The following PFKP variants were observed in gnomAD, a reference collection of about 807,000 sequenced individuals.
PFKP encodes the protein phosphofructokinase, platelet.
A neutral mutation model predicts 94.3 loss-of-function variants in PFKP; 101 were observed. The observed-to-expected ratio is 1.07, with a 90% confidence interval of 0.91 to 1.26. The LOEUF (loss-of-function observed/expected upper bound fraction) is 1.26, where lower values mean the gene tolerates loss of function less well. PFKP is among the 50% of genes most tolerant of loss of function. The pLI, the probability that PFKP is intolerant of heterozygous loss-of-function variation, is 0.00. For missense variants in PFKP, 1,145 were observed against 1,103.3 expected, an observed-to-expected ratio of 1.04 and a Z score of -0.53; for synonymous variants, 573 against 432.6, an observed-to-expected ratio of 1.32 and a Z score of -4.03.
intron 16 of PFKP, 41 bp downstream of exon 16, chr10:3,120,085 G>A (rs573020694): frequency 3.7e-6 from 6 of 1,605,202 alleles, no homozygotes; most frequent in Admixed American, 1.7e-5. Flanking sequence ...GCCGGCTGAC[G>A]CTAACCCCGG....
intron 16 of PFKP, among the ~76,000 whole-genome samples, chr10:3,125,790 C>A (rs1010983019): frequency 1.3e-5 from 2 of 152,196 alleles, no homozygotes; most frequent in African/African-American, 4.8e-5. Flanking sequence ...TGCTGACACC[C>A]ACATGGTGGC....
intron 4 of PFKP, among the ~76,000 whole-genome samples, chr10:3,101,909 C>T (rs1220341082): frequency 3.3e-5 from 5 of 152,204 alleles, no homozygotes; most frequent in East Asian, 1.9e-4. Flanking sequence ...CACTAGCATC[C>T]GCCTTTCAGC....
intron 1 of PFKP, among the ~76,000 whole-genome samples, chr10:3,082,018 A>C (rs1285876827): frequency 3.2e-5 from 3 of 93,260 alleles, no homozygotes; most frequent in Admixed American, 3.3e-4. Context: ...TTACAGTGGT[A>C]GTTGGTGATG....
At chr10:3,069,507 A>C in intron 1 of PFKP, 1 of 860,194 alleles carries the variant, frequency 1.2e-6, no homozygotes, top group Non-Finnish European at 1.8e-6. Flanking sequence ...AAGACAAGAA[A>C]CCTTTGGCAC....
At position 3,073,752 on chromosome 10, in the gene PFKP, C is replaced by G. The variant is rs1334077910; in HGVS notation, c.112+6045C>G. 3.3e-5 allele frequency among the ~76,000 whole-genome samples: 5 copies of G among 149,396 alleles called. No individual in the cohort carries two copies. The East Asian group carries it at 7.7e-4, about 23-fold the overall frequency. On this transcript the variant is annotated intron_variant, in intron 1 of 21. Transcript: ENST00000381125. Reference sequence around the variant, plus strand: ...TTGAAAGGGTGGCATGCAGTAGCCTCGGGGAGTCAGTCCTTCATATCTTTT... The same window carrying G: ...TTGAAAGGGTGGCATGCAGTAGCCTGGGGGAGTCAGTCCTTCATATCTTTT...
chr10:3,108,775 G>T lies in PFKP; in HGVS notation c.945G>T (p.Ser315=). 1 of 1,612,784 alleles carries T rather than the reference G, an allele frequency of 6.2e-7. No homozygotes were observed. The highest frequency in any genetic ancestry group is 8.5e-7 in the Non-Finnish European group (1 of 1,178,850). Residue 315 remains serine (S), a synonymous_variant, in exon 9 of 22, where the codon TCG becomes TCT. Transcript: ENST00000381125. The part of the protein sequence containing the change: ...LGHVQRGGTP[S]AFDRILASRM... Reference sequence around the variant, plus strand: ...ACGTGCAGAGAGGAGGGACCCCTTCGGCATTCGACAGGATCTTGGTGAGTT... The same window carrying T: ...ACGTGCAGAGAGGAGGGACCCCTTCTGCATTCGACAGGATCTTGGTGAGTT...
intron 13 of PFKP, among the ~76,000 whole-genome samples, chr10:3,116,305 G>T: frequency 6.6e-6 from 1 of 152,182 alleles, no homozygotes; most frequent in Non-Finnish European, 1.5e-5. Context: ...TGGGGTTCGA[G>T]CCCCACGGGT....
At position 3,136,513 on chromosome 10, in the gene PFKP, G is replaced by A; in HGVS notation, c.2289G>A (p.Lys763=). The change falls in exon 22 of 22, where the codon AAG becomes AAA. Residue 763 remains lysine, a synonymous_variant. Transcript: ENST00000381125. ...KLRPLMKILA[K]YKASYDVSDS... ...GGCCCCTCATGAAAATCCTGGCCAA[G>A]TACAAGGCCAGCTATGACGTGTCGG... 1.2e-6 allele frequency: 2 copies of A among 1,613,726 alleles called. No homozygotes were observed. The highest frequency in any genetic ancestry group is 1.7e-6 in the Non-Finnish European group (2 of 1,179,808).
At position 3,113,170 on chromosome 10, in the gene PFKP, G is replaced by T; in HGVS notation, c.1206G>T (p.Pro402=). ...ACAAGCGACTTGCCATCAAGCTGCCGGATGATCAGATCCCAAAGGTAGGTG... is the reference window on the plus strand; with the variant it reads ...ACAAGCGACTTGCCATCAAGCTGCCTGATGATCAGATCCCAAAGGTAGGTG... The part of the protein sequence containing the change: ...NTYKRLAIKL[P]DDQIPKTNCN... The change falls in exon 12 of 22, where the codon CCG becomes CCT. Residue 402 remains proline (P), a synonymous_variant. Transcript: ENST00000381125. 6.2e-7 allele frequency: 1 copy of T among 1,612,372 alleles called. No individual in the cohort carries two copies. The highest frequency in any genetic ancestry group is 8.5e-7 in the Non-Finnish European group (1 of 1,179,370).
intron 1 of PFKP, among the ~76,000 whole-genome samples, chr10:3,078,348 T>C (rs1225925171): frequency 6.6e-6 from 1 of 152,240 alleles, no homozygotes; most frequent in African/African-American, 2.4e-5. Context: ...CCCTTGCTTT[T>C]CATCCACCAG....
Position 3,110,758 on chromosome 10 carries a change from A to G in PFKP, c.1089+1278A>G, listed in dbSNP as rs115175268. Among the ~76,000 whole-genome samples, 199 of 152,150 alleles carry G rather than the reference A, an allele frequency of 1.3e-3. 1 individual carries two copies. Among genetic ancestry groups the G allele is most frequent in the African/African-American group, 4.2e-3 (175 of 41,466 alleles). On this transcript the variant is annotated intron_variant, in intron 10 of 21. Transcript: ENST00000381125. ...TGTGCATGTGTATCTCTGTATATGC[A>G]TATACATGCAGGTTTATGCATATAT...
chr10:3,125,516 C>T (rs1837855461), intron 16 of PFKP, among the ~76,000 whole-genome samples: 1 of 152,144 alleles, frequency 6.6e-6, no homozygotes, highest in Non-Finnish European at 1.5e-5. Flanking sequence ...GCCGCAGGTA[C>T]CATTGCTCTG....
intron 13 of PFKP, among the ~76,000 whole-genome samples, chr10:3,114,905 G>T (rs4881096): frequency 0.97 from 147,839 of 152,258 alleles, 71,920 homozygotes; most frequent in East Asian, 1. Context: ...AAAGGGACCC[G>T]CTGCTGTTCA....
intron 1 of PFKP, 47 bp downstream of exon 1, chr10:3,067,754 CT>C (rs1219625241): frequency 4.1e-5 from 43 of 1,052,870 alleles, no homozygotes; most frequent in East Asian, 6.4e-5. Context: ...ACGGACGGAG[CT>C]GGGGAGAACC....
intron 4 of PFKP, among the ~76,000 whole-genome samples, chr10:3,102,838 G>C (rs74111933): frequency 0.035 from 5,355 of 152,330 alleles, 301 homozygotes; most frequent in African/African-American, 0.12. Flanking sequence ...CATCCTCGTA[G>C]GGGATGGAGA....
chr10:3,109,523 G>A, intron 10 of PFKP, 43 bp downstream of exon 10: 1 of 1,589,278 alleles, frequency 6.3e-7, no homozygotes. Context: ...GGAGACGGCT[G>A]GGACAGAAGC....
chr10:3,121,526 C>T (rs556285741), intron 16 of PFKP, among the ~76,000 whole-genome samples: 12 of 150,658 alleles, frequency 8.0e-5, no homozygotes, highest in East Asian at 1.9e-4. Flanking sequence ...TGAGAGCGGT[C>T]GCTGCAGTTA....
rs528351405 is a variant in PFKP at position 3,113,199 on chromosome 10, G to C, written c.1224+11G>C. The C allele has an allele frequency of 3.7e-6, 6 of 1,608,582 alleles. No individual in the cohort carries two copies. In the South Asian group the frequency reaches 6.7e-5, roughly 18 times the overall value. On this transcript the variant is annotated intron_variant, in intron 12 of 21. Transcript: ENST00000381125. ...GATCAGATCCCAAAGGTAGGTGGCC[G>C]GCCTCCCGCGATGCCCCGACCTCTC...
At chr10:3,106,280 C>T (rs977838548) in intron 7 of PFKP, among the ~76,000 whole-genome samples, 1 of 70,786 alleles carries the variant, frequency 1.4e-5, no homozygotes, top group Non-Finnish European at 2.8e-5. Context: ...GAAAGCATGG[C>T]GTGCACGGGG....
Sources: gnomAD v4.1 joint callset for allele counts (sites outside exome capture counted in the v4.1 genomes callset) on GRCh38, gnomAD v4.1.1 for gene constraint, MANE v1.5 for transcripts, NCBI Gene and HGNC (gene_info 2026-07-23, HGNC 2026-07-21) for gene names.